Variants in KDM4B observed in about 807,000 individuals in gnomAD.
The protein encoded by KDM4B is lysine demethylase 4B.
Under a neutral mutation model 125.2 loss-of-function variants are expected in KDM4B, and 32 were observed. That is an observed-to-expected ratio of 0.26 (90% CI 0.19 to 0.34). KDM4B has a LOEUF of 0.34. Among genes scored for constraint, KDM4B ranks in the 10% least tolerant of loss-of-function variants. The probability of loss-of-function intolerance (pLI) is 1.00; values close to 1 mark genes in which losing one functional copy is unlikely to be tolerated. For synonymous variants in KDM4B, 721 were observed against 677.9 expected, an observed-to-expected ratio of 1.06 and a Z score of -0.99; for missense variants, 1,190 against 1,577.7, an observed-to-expected ratio of 0.75 and a Z score of 4.16.
At chr19:5,070,234 G>C (rs1035675343) in intron 6 of KDM4B, among the ~76,000 whole-genome samples, 2 of 152,150 alleles carry the variant, frequency 1.3e-5, no homozygotes, top group Non-Finnish European at 2.9e-5. Flanking sequence ...TTGGGAGTGG[G>C]CTGGGTGGTG....
chr19:5,066,789 T>C (rs541251067), intron 6 of KDM4B, among the ~76,000 whole-genome samples: 1 of 152,262 alleles, frequency 6.6e-6, no homozygotes, highest in South Asian at 2.1e-4. Context: ...TCTATGACTT[T>C]GTGGTTTACT....
At chr19:5,097,097 G>T (rs2038843118) in intron 9 of KDM4B, among the ~76,000 whole-genome samples, 1 of 152,180 alleles carries the variant, frequency 6.6e-6, no homozygotes, top group African/African-American at 2.4e-5. Context: ...TGGGGATGGT[G>T]CCTGTTCACG....
At position 5,144,869 on chromosome 19, in the gene KDM4B, G is replaced by A. The variant is rs760580765; in HGVS notation, c.2988G>A (p.Lys996=). 5.2e-5 allele frequency: 84 copies of A among 1,612,854 alleles called. No homozygotes were observed. Among genetic ancestry groups the A allele is most frequent in the Middle Eastern group, 4.9e-4 (3 of 6,074 alleles). Residue 996 remains lysine (K), a synonymous_variant, in exon 21 of 23, where the codon AAG becomes AAA. Transcript: ENST00000159111. The part of the protein sequence containing the change: ...RWTDGNLYKA[K]FISSVTSHIY... ...CTGACGGCAACCTCTACAAGGCCAA[G>A]TTCATCTCCTCCGTCACCAGCCACA...
chr19:5,008,496 G>A (rs1483943682), intron 1 of KDM4B, among the ~76,000 whole-genome samples: 1 of 152,088 alleles, frequency 6.6e-6, no homozygotes, highest in Non-Finnish European at 1.5e-5. Context: ...TTAACATATA[G>A]AGACCCAGAT....
At chr19:5,110,952 C>A (rs977782968) in intron 10 of KDM4B, 134 bp downstream of exon 10, 1 of 682,324 alleles carries the variant, frequency 1.5e-6, no homozygotes, top group Non-Finnish European at 2.4e-6. Context: ...ATTCCCACCC[C>A]GCCTCCTCTT....
chr19:5,047,674 GTGTC>G lies in KDM4B; in HGVS notation c.626+8_626+11del. ...CTTTGGGGAGCCTAAGTCCTGGTGA[GTGTC>G]TGCACTGGCCCTGCCGCCGGCCGGA... On this transcript the variant is annotated splice_donor_region_variant and intron_variant, in intron 6 of 22. Transcript: ENST00000159111. The G allele has an allele frequency of 6.2e-7, 1 of 1,613,172 alleles. No individual in the cohort carries two copies. The highest frequency in any genetic ancestry group is 1.1e-5 in the South Asian group (1 of 91,054).
intron 5 of KDM4B, among the ~76,000 whole-genome samples, chr19:5,042,031 G>GC (rs893366323): frequency 1.3e-5 from 2 of 152,236 alleles, no homozygotes; most frequent in Non-Finnish European, 2.9e-5. Flanking sequence ...TGAGGGAGAC[G>GC]CCCCCGACAT....
intron 1 of KDM4B, among the ~76,000 whole-genome samples, chr19:4,980,245 C>T (rs1344477403): frequency 6.6e-6 from 1 of 152,174 alleles, no homozygotes; most frequent in East Asian, 1.9e-4. Context: ...ATCCCCTCCC[C>T]CATCTGCTGG....
intron 3 of KDM4B, among the ~76,000 whole-genome samples, chr19:5,036,949 C>G (rs951909790): frequency 6.6e-6 from 1 of 152,208 alleles, no homozygotes; most frequent in African/African-American, 2.4e-5. Flanking sequence ...AGTGTGGCTC[C>G]GTGTGTGCGG....
Position 5,035,456 on chromosome 19 carries a change from C to T in KDM4B, c.141+2425C>T, listed in dbSNP as rs2036587870. Among the ~76,000 whole-genome samples, 1 of 152,182 alleles carries T rather than the reference C, an allele frequency of 6.6e-6. No homozygotes were observed. The highest frequency in any genetic ancestry group is 1.5e-5 in the Non-Finnish European group (1 of 68,034). ...CTCACCTCCCACCGGGCTCCATGCC[C>T]CGGTGTTTCCGGCTCTCTCTGCCCT... On this transcript the variant is annotated intron_variant, in intron 3 of 22. Transcript: ENST00000159111. The surrounding 1 kb of genome is among the most constrained non-coding windows in gnomAD (Gnocchi z 5.3).
intron 6 of KDM4B, among the ~76,000 whole-genome samples, chr19:5,062,004 C>T (rs555315880): frequency 1.6e-3 from 244 of 152,316 alleles, no homozygotes; most frequent in African/African-American, 5.5e-3. Flanking sequence ...GCAGGGCTGG[C>T]CCCGCAGAAT....
intron 14 of KDM4B, 96 bp downstream of exon 14, chr19:5,134,157 G>T (rs557258917): frequency 7.5e-6 from 9 of 1,203,152 alleles, no homozygotes; most frequent in African/African-American, 4.6e-5. Flanking sequence ...CCTCTCTCAC[G>T]CAGGGCAGGG....
At chr19:5,022,406 C>T (rs998776956) in intron 2 of KDM4B, among the ~76,000 whole-genome samples, 14 of 152,140 alleles carry the variant, frequency 9.2e-5, no homozygotes, top group African/African-American at 3.4e-4. Context: ...GCTCACATCT[C>T]GTGGCTTCAT....
At chr19:5,131,836 C>T (rs765828872) in intron 12 of KDM4B, 51 bp from the exon 13 acceptor site, 2 of 1,611,218 alleles carry the variant, frequency 1.2e-6, no homozygotes, top group African/African-American at 1.3e-5. Flanking sequence ...GAGGGAGCCC[C>T]ACCCAGGGGT....
chr19:5,013,666 C>T (rs1233672900), intron 1 of KDM4B, among the ~76,000 whole-genome samples: 1 of 152,216 alleles, frequency 6.6e-6, no homozygotes, highest in Non-Finnish European at 1.5e-5. Context: ...GACTCTCACC[C>T]TCTGGCCTCC....
At chr19:5,054,441 G>A (rs189221282) in intron 6 of KDM4B, among the ~76,000 whole-genome samples, 20 of 148,750 alleles carry the variant, frequency 1.3e-4, no homozygotes, top group African/African-American at 5.0e-4. Context: ...CTGTGATGCT[G>A]AGTCCCCTGA....
At chr19:5,145,000 C>T (rs76768567) in intron 21 of KDM4B, 98 bp downstream of exon 21, 2 of 1,521,800 alleles carry the variant, frequency 1.3e-6, no homozygotes, top group African/African-American at 2.8e-5. Context: ...GTGCCTTTGC[C>T]TGGGGCACTG....
intron 6 of KDM4B, among the ~76,000 whole-genome samples, chr19:5,069,918 T>A (rs1448794683): frequency 6.6e-6 from 1 of 152,162 alleles, no homozygotes; most frequent in Non-Finnish European, 1.5e-5. Flanking sequence ...CTTTATTTCA[T>A]TAAAAAACAA....
intron 1 of KDM4B, among the ~76,000 whole-genome samples, chr19:4,977,533 G>A (rs903064743): frequency 2.0e-5 from 3 of 152,230 alleles, no homozygotes; most frequent in Non-Finnish European, 2.9e-5. Context: ...CTTCCGAGCC[G>A]CCGGCAGTGG....
Sources: allele counts gnomAD v4.1 joint callset (sites outside exome capture counted in the v4.1 genomes callset), GRCh38; gene constraint gnomAD v4.1.1; non-coding constraint Gnocchi (gnomAD v3.1); transcripts MANE v1.5; gene names NCBI Gene and HGNC (gene_info 2026-07-23, HGNC 2026-07-21).